The following WASL variants were observed in gnomAD, a reference collection of about 807,000 sequenced individuals.
The protein encoded by WASL is actin nucleation-promoting factor WASL.
WASL carries 20 observed loss-of-function variants against 55.5 expected under a neutral mutation model. That is an observed-to-expected ratio of 0.36 (90% CI 0.25 to 0.52). The LOEUF is 0.52. WASL is among the 20% of genes least tolerant of loss of function. WASL has a pLI of 0.92. For missense variants in WASL, 504 were observed against 622.5 expected (o/e 0.81, Z 2.03); for synonymous variants, 249 against 217.6 (o/e 1.14, Z -1.27).
intron 1 of WASL, among the ~76,000 whole-genome samples, chr7:123,724,619 T>C (rs965639199): frequency 6.6e-6 from 1 of 152,196 alleles, no homozygotes; most frequent in Non-Finnish European, 1.5e-5. Context: ...GTATTTTATA[T>C]GCGTTTTGCA....
At position 123,748,740 on chromosome 7, in the gene WASL, C is replaced by T. The variant is rs773018491; in HGVS notation, c.-6G>A. 1.9e-6 allele frequency: 3 copies of T among 1,575,060 alleles called. No individual in the cohort carries two copies. Among genetic ancestry groups the T allele is most frequent in the Non-Finnish European group, 2.6e-6 (3 of 1,162,496 alleles). ...TGCTGCTGGACGGAGCTCATGGTTTCGCCGGCGGGGTTGGGAGTCCAGGGC... is the reference window on the plus strand; with the variant it reads ...TGCTGCTGGACGGAGCTCATGGTTTTGCCGGCGGGGTTGGGAGTCCAGGGC... On this transcript the variant is annotated 5_prime_UTR_variant, in exon 1 of 11. Transcript: ENST00000223023.
intron 10 of WASL, among the ~76,000 whole-genome samples, chr7:123,688,383 G>A (rs993833455): frequency 6.6e-6 from 1 of 152,038 alleles, no homozygotes; most frequent in African/African-American, 2.4e-5. Context: ...TTTTTGAGAC[G>A]AAGTTTTGCT....
chr7:123,689,271 G>A (rs1251612698), intron 9 of WASL, 121 bp from the exon 10 acceptor site: 1 of 696,358 alleles, frequency 1.4e-6, no homozygotes, highest in South Asian at 1.9e-5. Flanking sequence ...ATATCAAACT[G>A]GCAAGCGCAG....
intron 5 of WASL, among the ~76,000 whole-genome samples, chr7:123,700,213 T>C (rs903293407): frequency 8.2e-6 from 1 of 121,236 alleles, no homozygotes; most frequent in African/African-American, 3.1e-5. Flanking sequence ...AAAAACAACA[T>C]TATTTAAGTA....
At chr7:123,737,296 A>G (rs900954280) in intron 1 of WASL, among the ~76,000 whole-genome samples, 53 of 152,250 alleles carry the variant, frequency 3.5e-4, no homozygotes, top group African/African-American at 8.7e-4. Context: ...TAATTTAGTA[A>G]ATTATAAAAG....
chr7:123,722,391 C>T (rs933758258), intron 1 of WASL, among the ~76,000 whole-genome samples: 12 of 152,112 alleles, frequency 7.9e-5, no homozygotes, highest in Non-Finnish European at 1.6e-4. Context: ...AAATGTCTGG[C>T]TAACCTAGAG....
rs766938861 is a variant in WASL at position 123,706,340 on chromosome 7, C to G, written c.373G>C (p.Glu125Gln). The change falls in exon 4 of 11, where the codon GAA (glutamate) becomes CAA (glutamine). Residue 125 changes from glutamate to glutamine, a missense_variant. Transcript: ENST00000223023. ...GCTTTTCGAAATTTTTTTGCTTCTT[C>G]TTCATTGGCAAAATTAAGAGCAACT... The part of the protein sequence containing the change: ...CQVALNFANE[E>Q]EAKKFRKAVT... 8 of 1,613,426 alleles carry G rather than the reference C, an allele frequency of 5.0e-6. No homozygotes were observed. The highest frequency in any genetic ancestry group is 5.9e-6 in the Non-Finnish European group (7 of 1,179,682).
At chr7:123,704,116 T>C (rs191263993) in intron 5 of WASL, among the ~76,000 whole-genome samples, 4 of 152,304 alleles carry the variant, frequency 2.6e-5, no homozygotes, top group East Asian at 1.9e-4. Flanking sequence ...TTAAAGAGCA[T>C]TATACAGAGC....
intron 9 of WASL, 23 bp downstream of exon 9, chr7:123,692,324 G>GAAAA: frequency 8.4e-7 from 1 of 1,194,172 alleles, no homozygotes; most frequent in South Asian, 1.5e-5. Context: ...GATCTAAAAT[G>GAAAA]AAAAAAAAAA....
intron 1 of WASL, among the ~76,000 whole-genome samples, chr7:123,746,468 C>A (rs1255267768): frequency 6.6e-6 from 1 of 152,072 alleles, no homozygotes; most frequent in Non-Finnish European, 1.5e-5. Context: ...TTTTAAAGGA[C>A]AAAAACAACC....
Position 123,709,236 on chromosome 7 carries a change from A to T in WASL, c.118-13T>A. 6.3e-7 allele frequency: 1 copy of T among 1,596,474 alleles called. No individual in the cohort carries two copies. The highest frequency in any genetic ancestry group is 8.5e-7 in the Non-Finnish European group (1 of 1,171,664). On this transcript the variant is annotated splice_polypyrimidine_tract_variant and intron_variant, in intron 1 of 10. Transcript: ENST00000223023. ...CTGAAGACATAGTCTGCAAAATATA[A>T]AATTTATAACCATTAGGTTCAAAAT...
intron 6 of WASL, 112 bp from the exon 7 acceptor site, chr7:123,695,977 AAC>A (rs1584857660): frequency 1.1e-6 from 1 of 911,920 alleles, no homozygotes; most frequent in African/African-American, 1.7e-5. Context: ...GGTCTGAACT[AAC>A]AGTTCTCACA....
rs1487617668 is a variant in WASL, at chr7:123,709,140, A to G, written c.201T>C (p.Leu67=). The change falls in exon 2 of 11, where the codon CTT becomes CTC. Residue 67 remains leucine, a synonymous_variant. Transcript: ENST00000223023. The part of the protein sequence containing the change: ...WSKKCSGVAC[L]VKDNPQRSYF... Reference sequence around the variant, plus strand: ...AAGATCTCTGTGGATTGTCCTTAACAAGACAAGCAACACCACTGCACTTCT... The same window carrying G: ...AAGATCTCTGTGGATTGTCCTTAACGAGACAAGCAACACCACTGCACTTCT... 1 of 1,613,010 alleles carries G rather than the reference A, an allele frequency of 6.2e-7. No homozygotes were observed. Among genetic ancestry groups the G allele is most frequent in the Non-Finnish European group, 8.5e-7 (1 of 1,179,288 alleles).
At chr7:123,705,891 C>T (rs766729741) in intron 4 of WASL, among the ~76,000 whole-genome samples, 1 of 152,004 alleles carries the variant, frequency 6.6e-6, no homozygotes, top group African/African-American at 2.4e-5. Flanking sequence ...ACTTTTAAAA[C>T]TTTACAAAAA....
intron 10 of WASL, among the ~76,000 whole-genome samples, chr7:123,685,699 A>G (rs1178233954): frequency 6.6e-6 from 1 of 151,642 alleles, no homozygotes; most frequent in African/African-American, 2.4e-5. Context: ...AGCACTACAC[A>G]CCAGCCATTC....
intron 4 of WASL, 92 bp downstream of exon 4, chr7:123,706,185 A>G: frequency 8.2e-7 from 1 of 1,224,992 alleles, no homozygotes; most frequent in East Asian, 2.4e-5. Context: ...AAGTTTCAGT[A>G]AACTTTTATT....
chr7:123,710,862 G>A (rs1803743221), intron 1 of WASL, among the ~76,000 whole-genome samples: 2 of 152,124 alleles, frequency 1.3e-5, no homozygotes, highest in South Asian at 4.1e-4. Context: ...TAGTGCCACA[G>A]GCATCCTGCT....
intron 5 of WASL, 110 bp from the exon 6 acceptor site, chr7:123,696,857 A>G (rs1584857937): frequency 9.3e-6 from 7 of 752,038 alleles, no homozygotes; most frequent in African/African-American, 7.4e-5. Flanking sequence ...TTCATTATAA[A>G]TTATTTATAT....
intron 9 of WASL, among the ~76,000 whole-genome samples, chr7:123,691,650 G>T (rs1009004009): frequency 3.3e-5 from 5 of 152,110 alleles, no homozygotes; most frequent in Non-Finnish European, 5.9e-5. Flanking sequence ...TCCTTTATAG[G>T]AAAATGTTTG....
Sources: gnomAD v4.1 joint callset for allele counts (sites outside exome capture counted in the v4.1 genomes callset) on GRCh38, gnomAD v4.1.1 for gene constraint, MANE v1.5 for transcripts, NCBI Gene and HGNC (gene_info 2026-07-23, HGNC 2026-07-21) for gene names.